Variants in THBS2 observed in about 807,000 individuals in gnomAD.
The protein encoded by THBS2 is thrombospondin 2, also known as thrombospondin-2.
THBS2 carries 47 observed loss-of-function variants against 135.2 expected under a neutral mutation model. The observed-to-expected ratio is 0.35, with a 90% CI of 0.28 to 0.44. THBS2 has a LOEUF of 0.44. THBS2 is among the 20% of genes least tolerant of loss of function. The pLI, the probability that THBS2 is intolerant of heterozygous loss-of-function variation, is 1.00. For synonymous variants in THBS2, 639 were observed against 633.8 expected, an observed-to-expected ratio of 1.01 and a Z score of -0.12; for missense variants, 1,288 against 1,603.1, an observed-to-expected ratio of 0.80 and a Z score of 3.36.
At chr6:169,223,523 A>G (rs1457689398) in intron 17 of THBS2, 48 bp from the exon 18 acceptor site, 1 of 1,560,874 alleles carries the variant, frequency 6.4e-7, no homozygotes, top group African/African-American at 1.4e-5. Flanking sequence ...AAAGAAGCAA[A>G]GTCGGTGGTC....
chr6:169,223,148 A>AT (rs1399139148), intron 18 of THBS2, 100 bp downstream of exon 18: 39 of 1,122,972 alleles, frequency 3.5e-5, no homozygotes, highest in Non-Finnish European at 4.7e-5. Context: ...GAAAGACCAC[A>AT]TGGCATCCCA....
chr6:169,232,102 T>C lies in THBS2; in HGVS notation c.2029A>G (p.Lys677Glu). The change falls in exon 13 of 22, where the codon AAG becomes GAG. Residue 677 changes from lysine to glutamate, a missense_variant. Lys to Glu is a moderately conservative substitution (Grantham distance 56). Around this residue, in one of 2 missense-constraint regions of THBS2, gnomAD observed 874 missense variants for 1,156.1 expected, o/e 0.76. Coordinates refer to ENST00000617924, the MANE Select transcript of THBS2 (RefSeq NM_003247.5). ...GCGTAGCCTGTCTGGCACTCGCACT[T>C]GTACATGGGGTCGCTGAAGTGGCCC... ...YLGHFSDPMY[K>E]CECQTGYAGD... 1 of 1,614,088 alleles carries C rather than the reference T, an allele frequency of 6.2e-7. No homozygotes were observed. The highest frequency in any genetic ancestry group is 8.5e-7 in the Non-Finnish European group (1 of 1,179,976).
chr6:169,228,022 A>G (rs1779702388), intron 15 of THBS2, 100 bp downstream of exon 15: 3 of 1,402,398 alleles, frequency 2.1e-6, no homozygotes, highest in African/African-American at 2.9e-5. Flanking sequence ...TGGAGATCGC[A>G]GTGAGCCAAG....
At chr6:169,220,546 CA>C (rs1181580616) in intron 20 of THBS2, among the ~76,000 whole-genome samples, 2 of 152,218 alleles carry the variant, frequency 1.3e-5, no homozygotes. Flanking sequence ...TTCCTTCTTG[CA>C]ACCACACTAT....
At chr6:169,230,536 C>T (rs375989571) in intron 13 of THBS2, among the ~76,000 whole-genome samples, 2 of 152,324 alleles carry the variant, frequency 1.3e-5, no homozygotes, top group African/African-American at 4.8e-5. Flanking sequence ...GAGGATCCAG[C>T]ACCTGTGTGT....
chr6:169,230,337 C>T (rs1237442146), intron 13 of THBS2, among the ~76,000 whole-genome samples: 1 of 152,172 alleles, frequency 6.6e-6, no homozygotes, highest in Non-Finnish European at 1.5e-5. Context: ...GTGTCCGTTT[C>T]AGTTTCAGTA....
chr6:169,220,855 C>G (rs1422656726), intron 20 of THBS2, among the ~76,000 whole-genome samples: 1 of 152,232 alleles, frequency 6.6e-6, no homozygotes. Flanking sequence ...TTCACCCACA[C>G]AGATCTGCCC....
intron 9 of THBS2, 51 bp downstream of exon 9, chr6:169,237,119 T>G: frequency 6.4e-7 from 1 of 1,556,540 alleles, no homozygotes; most frequent in Non-Finnish European, 8.7e-7. Context: ...CTGCTCACTG[T>G]GAGCTGCCTG....
In THBS2 at chr6:169,217,706, A is replaced by G; in HGVS notation, c.*116T>C. On this transcript the variant is annotated 3_prime_UTR_variant, in exon 22 of 22. Transcript: ENST00000617924. ...CAGGAGGTGAAGAACCATCAGAGTT[A>G]AGGTCAAGGGACAGGAGGTGCTGCT... 8.4e-7 allele frequency: 1 copy of G among 1,186,916 alleles called. No individual in the cohort carries two copies. The allele number at this position is 1,186,916 out of a possible 1,614,324, so 73.5% of individuals were successfully genotyped here.
At chr6:169,228,727 C>T (rs1209025636) in intron 14 of THBS2, among the ~76,000 whole-genome samples, 1 of 152,110 alleles carries the variant, frequency 6.6e-6, no homozygotes, top group Non-Finnish European at 1.5e-5. Context: ...AGTTCGAGAC[C>T]AGCCTGGCCA....
In THBS2 at chr6:169,239,701, A is replaced by G. The variant is rs1243150826; in HGVS notation, c.1033-6T>C. The G allele has an allele frequency of 1.3e-6, 2 of 1,583,330 alleles. No individual in the cohort carries two copies. The highest frequency in any genetic ancestry group is 4.5e-5 in the East Asian group (2 of 44,202). ...TGGCAAATGGTTTTAAATTTCTACA[A>G]GTGAAGAAAGGCATGCATGGAACAC... is the stretch of plus-strand genomic sequence containing the variant. On this transcript the variant is annotated splice_region_variant and splice_polypyrimidine_tract_variant and intron_variant, in intron 6 of 21. Coordinates refer to ENST00000617924, the MANE Select transcript of THBS2 (RefSeq NM_003247.5).
intron 3 of THBS2, among the ~76,000 whole-genome samples, chr6:169,247,925 A>G (rs1562365377): frequency 6.7e-6 from 1 of 149,340 alleles, no homozygotes; most frequent in Non-Finnish European, 1.5e-5. Flanking sequence ...ACATGAGTGT[A>G]TGAATGGTGT....
intron 15 of THBS2, among the ~76,000 whole-genome samples, chr6:169,227,361 C>A (rs183013925): frequency 6.6e-6 from 1 of 152,332 alleles, no homozygotes; most frequent in Admixed American, 6.5e-5. Context: ...GGTTGCAGAG[C>A]TCGCTTACCA....
chr6:169,221,517 A>G lies in THBS2; in HGVS notation c.3284T>C (p.Leu1095Ser), dbSNP rs1407034180. The change falls in exon 20 of 22, where the codon TTA (leucine) becomes TCA (serine). Residue 1095 changes from leucine to serine, a missense_variant. Leu to Ser is a moderately radical substitution (Grantham distance 145). Coordinates refer to ENST00000617924, the MANE Select transcript of THBS2 (RefSeq NM_003247.5). Reference sequence around the variant, plus strand: ...GCCAATGTTCCTGGGGTCGTGCCATAAGGTTCGCACCTGAGAGAGAACATA... The same window carrying G: ...GCCAATGTTCCTGGGGTCGTGCCATGAGGTTCGCACCTGAGAGAGAACATA... ...TGNTPGQVRTLWHDPRNIGWK... is the reference protein window; with the variant it reads ...TGNTPGQVRTSWHDPRNIGWK... 1 of 1,613,936 alleles carries G rather than the reference A, an allele frequency of 6.2e-7. No individual in the cohort carries two copies. The highest frequency in any genetic ancestry group is 8.5e-7 in the Non-Finnish European group (1 of 1,180,022).
chr6:169,242,846 A>C (rs1358760512), intron 4 of THBS2, among the ~76,000 whole-genome samples: 1 of 8,686 alleles, frequency 1.2e-4, no homozygotes, highest in Non-Finnish European at 1.9e-4. Flanking sequence ...CCACCTTCCC[A>C]CTGCTCCCAC....
chr6:169,241,919 C>T lies in THBS2; in HGVS notation c.734G>A (p.Arg245His), dbSNP rs779223586. ...CTCGGTGGTGACATGCGGACCCAGG[C>T]GCAGCGTCTCTGTGTTCTCACTGAT... The part of the protein sequence containing the change: ...NAISENTETL[R>H]LGPHVTTEYV... The change falls in exon 5 of 22, where the codon CGC becomes CAC. Residue 245 changes from arginine (R) to histidine (H), a missense_variant. Arg to His is a conservative substitution (Grantham distance 29, BLOSUM62 0). Coordinates refer to ENST00000617924, the MANE Select transcript of THBS2 (RefSeq NM_003247.5). This position sits in a 1 kb window ranked among gnomAD's most constrained non-coding sequence, Gnocchi z 5.5. 20 of 1,611,472 alleles carry T rather than the reference C, an allele frequency of 1.2e-5. No homozygotes were observed. Among genetic ancestry groups the T allele is most frequent in the South Asian group, 4.4e-5 (4 of 91,048 alleles).
chr6:169,246,408 G>A (rs1780557892), intron 3 of THBS2, 127 bp from the exon 4 acceptor site: 3 of 752,928 alleles, frequency 4.0e-6, no homozygotes, highest in South Asian at 3.4e-5. Flanking sequence ...CTTCTACGTA[G>A]CAGGTTTGCA....
chr6:169,246,099 G>A, intron 4 of THBS2, 98 bp downstream of exon 4: 1 of 951,626 alleles, frequency 1.1e-6, no homozygotes, highest in Admixed American at 2.2e-5. Context: ...ATTTTTACAA[G>A]CATGAATGCA....
intron 2 of THBS2, among the ~76,000 whole-genome samples, chr6:169,250,463 G>T (rs957754482): frequency 6.6e-6 from 1 of 152,182 alleles, no homozygotes; most frequent in Non-Finnish European, 1.5e-5. Flanking sequence ...CCAAATACTT[G>T]CAGTGTTGTG....
Sources: gnomAD v4.1 joint callset for allele counts (sites outside exome capture counted in the v4.1 genomes callset) on GRCh38, gnomAD v4.1.1 for gene constraint, gnomAD v4.1.1 regional missense constraint, Gnocchi (gnomAD v3.1) non-coding constraint, MANE v1.5 for transcripts, NCBI Gene and HGNC (gene_info 2026-07-23, HGNC 2026-07-21) for gene names.